The following AKR1C2 variants were observed in gnomAD, a reference collection of about 807,000 sequenced individuals.
AKR1C2 encodes the protein 3-alpha-HSD3.
AKR1C2 carries 27 observed loss-of-function variants against 39.8 expected under a neutral mutation model. That is an observed-to-expected ratio of 0.68 (90% CI 0.50 to 0.93). The LOEUF (loss-of-function observed/expected upper bound fraction) is 0.93, where lower values mean the gene tolerates loss of function less well. AKR1C2 is among the 40% of genes least tolerant of loss of function. The pLI, the probability that AKR1C2 is intolerant of heterozygous loss-of-function variation, is 0.00. For missense variants in AKR1C2, 263 were observed against 365.1 expected (o/e 0.72, Z 2.28); for synonymous variants, 114 against 137.9 (o/e 0.83, Z 1.22).
chr10:4,997,387 A>G (rs115763965), intron 5 of AKR1C2: 5,121 of 153,474 alleles, frequency 0.033, 293 homozygotes, highest in African/African-American at 0.12. Flanking sequence ...CAAATGACAT[A>G]AGGGCACTAT....
Position 4,997,723 on chromosome 10 carries a change from A to G in AKR1C2, c.570+902T>C, listed in dbSNP as rs182436621. Among the ~76,000 whole-genome samples, 298 of 152,282 alleles carry G rather than the reference A, an allele frequency of 2.0e-3. 2 individuals carry two copies. The Middle Eastern group carries it at 0.024, about 12-fold the overall frequency. ...CTCAATGCTTTTATTAAATTATCAC[A>G]GCACCATATCATTATACCAAATTAT... On this transcript the variant is annotated intron_variant, in intron 5 of 8. Coordinates refer to ENST00000380753, the MANE Select transcript of AKR1C2 (RefSeq NM_001393392.1).
chr10:5,011,039 C>CAAA (rs35486838), intron 1 of AKR1C2, among the ~76,000 whole-genome samples: 32 of 140,542 alleles, frequency 2.3e-4, no homozygotes, highest in Admixed American at 1.5e-3. Context: ...TTCTGTAAAG[C>CAAA]AAAAAAAAAA....
chr10:5,001,293 A>G (rs1452354252), intron 2 of AKR1C2, among the ~76,000 whole-genome samples: 1 of 152,222 alleles, frequency 6.6e-6, no homozygotes, highest in Non-Finnish European at 1.5e-5. Flanking sequence ...CTGAGCTCGA[A>G]GAGTAAAGGC....
intron 1 of AKR1C2, among the ~76,000 whole-genome samples, chr10:5,009,060 A>T (rs1186481809): frequency 6.6e-6 from 1 of 152,148 alleles, no homozygotes; most frequent in Non-Finnish European, 1.5e-5. Context: ...GTGCAGGAGG[A>T]AAAAGGAAGA....
chr10:5,015,014 A>G (rs1270025055), intron 1 of AKR1C2: 4 of 152,230 alleles, frequency 2.6e-5, no homozygotes, highest in African/African-American at 9.6e-5. Context: ...ACTATAGCCT[A>G]GACAGCATTC....
intron 5 of AKR1C2, among the ~76,000 whole-genome samples, chr10:4,996,332 ATATC>A (rs1324093459): frequency 2.0e-5 from 3 of 151,712 alleles, no homozygotes; most frequent in African/African-American, 7.3e-5. Context: ...TCTATGATAT[ATATC>A]TATATAGATG....
At chr10:4,997,868 G>T (rs1254443304) in intron 5 of AKR1C2, among the ~76,000 whole-genome samples, 2 of 152,152 alleles carry the variant, frequency 1.3e-5, no homozygotes, top group Non-Finnish European at 2.9e-5. Flanking sequence ...CACCAGTCAG[G>T]ACTCAAGGAA....
intron 1 of AKR1C2, chr10:5,014,857 A>G (rs1837605683): frequency 6.6e-6 from 1 of 152,242 alleles, no homozygotes; most frequent in African/African-American, 2.4e-5. Flanking sequence ...TGCATGGGCT[A>G]TCATGAAAGA....
At chr10:4,990,321 C>T (rs1283147287) in intron 8 of AKR1C2, among the ~76,000 whole-genome samples, 1 of 151,738 alleles carries the variant, frequency 6.6e-6, no homozygotes, top group East Asian at 1.9e-4. Context: ...AACAACAGAT[C>T]CCACATCTGT....
At chr10:4,996,647 G>C (rs1372414114) in intron 5 of AKR1C2, among the ~76,000 whole-genome samples, 1 of 150,816 alleles carries the variant, frequency 6.6e-6, no homozygotes, top group Admixed American at 6.6e-5. Flanking sequence ...CAATTAGTGC[G>C]ACAATGAGAA....
At chr10:5,013,228 G>C (rs1264428407) in intron 1 of AKR1C2, 3 of 152,082 alleles carry the variant, frequency 2.0e-5, no homozygotes, top group African/African-American at 7.2e-5. Flanking sequence ...AAAAGTTTTG[G>C]AGACCTAAAT....
chr10:5,000,429 CTCT>C, intron 3 of AKR1C2, 118 bp downstream of exon 3: 1 of 1,590,778 alleles, frequency 6.3e-7, no homozygotes, highest in Non-Finnish European at 8.6e-7. Flanking sequence ...ATGTTTAGGG[CTCT>C]TCTTCCATGT....
intron 7 of AKR1C2, among the ~76,000 whole-genome samples, chr10:4,993,976 A>G (rs1836931334): frequency 6.6e-6 from 1 of 151,658 alleles, no homozygotes; most frequent in Admixed American, 6.6e-5. Flanking sequence ...CATTACCTAG[A>G]TTCATCAATT....
chr10:4,988,762 A>G lies in AKR1C2; in HGVS notation c.*1234T>C, dbSNP rs1836742292. The G allele has an allele frequency of 6.6e-6, 1 of 150,726 alleles. No individual in the cohort carries two copies. Among genetic ancestry groups the G allele is most frequent in the Non-Finnish European group, 1.5e-5 (1 of 67,528 alleles). 9.3% of individuals were successfully genotyped at this position (150,726 alleles called of 1,614,324 possible). ...CCTTCTCATAATGCTTTGATCATTA[A>G]GACATGAGATTATCCCAAGTTTTCA... On this transcript the variant is annotated 3_prime_UTR_variant, in exon 9 of 9. Transcript: ENST00000380753.
intron 1 of AKR1C2, among the ~76,000 whole-genome samples, chr10:5,012,432 A>G (rs1224697416): frequency 3.3e-5 from 5 of 151,526 alleles, no homozygotes; most frequent in Non-Finnish European, 7.4e-5. Flanking sequence ...TGGATGGGCA[A>G]TGTCATCTCA....
intron 3 of AKR1C2, chr10:5,000,276 G>A: frequency 1.4e-6 from 2 of 1,468,336 alleles, no homozygotes; most frequent in Non-Finnish European, 1.8e-6. Context: ...AAGACCTTGT[G>A]CCTTCAAGGA....
chr10:5,006,287 C>T (rs1837400685), upstream of AKR1C2, among the ~76,000 whole-genome samples: 1 of 152,176 alleles, frequency 6.6e-6, no homozygotes, highest in Non-Finnish European at 1.5e-5. Flanking sequence ...GTCAAAGAGA[C>T]TCAGACCTAT....
chr10:4,989,785 C>T lies in AKR1C2; in HGVS notation c.*211G>A, dbSNP rs1836771215. On this transcript the variant is annotated 3_prime_UTR_variant, in exon 9 of 9. Coordinates refer to ENST00000380753, the MANE Select transcript of AKR1C2 (RefSeq NM_001393392.1). Reference sequence around the variant, plus strand: ...ATGGAGACCAAAGTAGGTGAAGAATCTTTAGGAGAGAGCATTTAATTTTTT... The same window carrying T: ...ATGGAGACCAAAGTAGGTGAAGAATTTTTAGGAGAGAGCATTTAATTTTTT... 3 of 681,250 alleles carry T rather than the reference C, an allele frequency of 4.4e-6. No individual in the cohort carries two copies. Among genetic ancestry groups the T allele is most frequent in the Non-Finnish European group, 7.3e-6 (3 of 409,166 alleles). 42.2% of individuals were successfully genotyped at this position (681,250 alleles called of 1,614,324 possible). A position where few individuals can be genotyped will look rare whatever the true frequency, so the allele number is the denominator to read the frequency against.
chr10:4,999,127 G>C lies in AKR1C2; in HGVS notation c.447+73C>G, dbSNP rs1220703217. The C allele has an allele frequency of 3.0e-6, 4 of 1,354,092 alleles. No homozygotes were observed. The African/African-American group carries it at 4.4e-5, about 15-fold the overall frequency. The allele number at this position is 1,354,092 out of a possible 1,614,324, so 83.9% of individuals were successfully genotyped here. A position where few individuals can be genotyped will look rare whatever the true frequency, so the allele number is the denominator to read the frequency against. ...ATCCAATGGTGCATTTTCCATACTT[G>C]TACTAAGAAGATAGGAAACAGATGT... On this transcript the variant is annotated intron_variant, in intron 4 of 8. Coordinates refer to ENST00000380753, the MANE Select transcript of AKR1C2 (RefSeq NM_001393392.1).
Sources: gnomAD v4.1 joint callset for allele counts (sites outside exome capture counted in the v4.1 genomes callset) on GRCh38, gnomAD v4.1.1 for gene constraint, MANE v1.5 for transcripts, NCBI Gene and HGNC (gene_info 2026-07-23, HGNC 2026-07-21) for gene names.